QPRT: variants seen among roughly 807,000 people sequenced by gnomAD.
QPRT encodes quinolinate phosphoribosyltransferase, also known as nicotinate-nucleotide pyrophosphorylase [carboxylating].
QPRT carries 17 observed loss-of-function variants against 19.8 expected under a neutral mutation model. That is an observed-to-expected ratio of 0.86 (90% confidence interval 0.59 to 1.29). The LOEUF is 1.29. QPRT is among the 50% of genes most tolerant of loss of function. The pLI is 0.00. For missense variants in QPRT, 336 were observed against 405.1 expected, an observed-to-expected ratio of 0.83 and a Z score of 1.46; for synonymous variants, 178 against 191.0, an observed-to-expected ratio of 0.93 and a Z score of 0.56.
In QPRT at chr16:29,694,698, A is replaced by C; in HGVS notation, c.48A>C (p.Ala16=). Residue 16 remains alanine (A), a synonymous_variant, in exon 2 of 4, where the codon GCA becomes GCC. Transcript: ENST00000395384. The part of the protein sequence containing the change: ...LALLLPPVTL[A]ALVDSWLRED... ...TGCTGCTGCCGCCCGTCACCCTGGC[A>C]GCCCTGGTGGACAGCTGGCTCCGAG... 2.6e-6 allele frequency: 4 copies of C among 1,559,824 alleles called. No homozygotes were observed. The highest frequency in any genetic ancestry group is 3.5e-6 in the Non-Finnish European group (4 of 1,151,190).
chr16:29,684,669 C>T (rs1967110264), intron 1 of QPRT, among the ~76,000 whole-genome samples: 1 of 152,134 alleles, frequency 6.6e-6, no homozygotes, highest in South Asian at 2.1e-4. Flanking sequence ...CTTCTGAACT[C>T]CAGAGCCATT....
At chr16:29,692,536 G>A (rs529649879) in intron 1 of QPRT, among the ~76,000 whole-genome samples, 2 of 148,886 alleles carry the variant, frequency 1.3e-5, no homozygotes, top group African/African-American at 5.0e-5. Flanking sequence ...AGCCGAGATC[G>A]CGCCACTGCA....
At chr16:29,679,959 CTTTTT>C (rs1267778902) in intron 1 of QPRT, among the ~76,000 whole-genome samples, 1 of 134,472 alleles carries the variant, frequency 7.4e-6, no homozygotes. Flanking sequence ...CTAAGATAAT[CTTTTT>C]TTTTTTTTTT....
At chr16:29,684,454 C>T (rs1967103190) in intron 1 of QPRT, among the ~76,000 whole-genome samples, 1 of 152,074 alleles carries the variant, frequency 6.6e-6, no homozygotes, top group Admixed American at 6.6e-5. Context: ...CACCACCACG[C>T]CTGGCTAATT....
At chr16:29,683,858 C>T (rs1385523745) in intron 1 of QPRT, among the ~76,000 whole-genome samples, 1 of 152,184 alleles carries the variant, frequency 6.6e-6, no homozygotes, top group Non-Finnish European at 1.5e-5. Context: ...GTGTCCACTT[C>T]TCTTGAAAGG....
At chr16:29,684,556 C>T (rs1967106589) in intron 1 of QPRT, among the ~76,000 whole-genome samples, 1 of 152,026 alleles carries the variant, frequency 6.6e-6, no homozygotes, top group Admixed American at 6.6e-5. Context: ...ACCGTTTTCA[C>T]CAGGATGGTC....
chr16:29,681,738 T>C (rs1967013496), intron 1 of QPRT, among the ~76,000 whole-genome samples: 1 of 150,394 alleles, frequency 6.6e-6, no homozygotes, highest in Non-Finnish European at 1.5e-5. Flanking sequence ...TTTTTTTTTT[T>C]TTCGAGATGG....
At chr16:29,695,454 G>A (rs1368342860) in intron 2 of QPRT, among the ~76,000 whole-genome samples, 1 of 151,324 alleles carries the variant, frequency 6.6e-6, no homozygotes, top group Non-Finnish European at 1.5e-5. Flanking sequence ...TGGATATACA[G>A]GCATGCTCCA....
In QPRT at chr16:29,695,078, G is replaced by C; in HGVS notation, c.428G>C (p.Gly143Ala). 6.2e-7 allele frequency: 1 copy of C among 1,606,116 alleles called. No homozygotes were observed. Among genetic ancestry groups the C allele is most frequent in the South Asian group, 1.1e-5 (1 of 90,582 alleles). ...HVAGTRKTTPGFRLVEKYGLL... is the reference protein window; with the variant it reads ...HVAGTRKTTPAFRLVEKYGLL... The stretch of plus-strand genomic sequence containing the variant: ...GCAGGCACGAGGAAGACCACGCCAG[G>C]CTTCCGGCTGGTGGAGAAGTATGGG... The change falls in exon 2 of 4, where the codon GGC becomes GCC. Residue 143 changes from glycine (G) to alanine (A), a missense_variant. Physicochemically the swap from Gly to Ala is moderately conservative, Grantham distance 60. Coordinates refer to ENST00000395384, the MANE Select transcript of QPRT (RefSeq NM_014298.6).
At chr16:29,685,245 T>C (rs1967128092) in intron 1 of QPRT, among the ~76,000 whole-genome samples, 2 of 151,562 alleles carry the variant, frequency 1.3e-5, no homozygotes, top group African/African-American at 4.8e-5. Flanking sequence ...CCGAGGCAGG[T>C]GGATCACCTG....
At chr16:29,679,073 T>A (rs970093322), upstream of QPRT, 10 of 1,565,360 alleles carry the variant, frequency 6.4e-6, no homozygotes, top group African/African-American at 1.1e-4. Flanking sequence ...TTGGGGAGCC[T>A]GGGAAGGGCC....
At position 29,697,629 on chromosome 16, in the gene QPRT, A is replaced by T. The variant is rs1242305095; in HGVS notation, c.*218A>T. On this transcript the variant is annotated 3_prime_UTR_variant, in exon 4 of 4. Coordinates refer to ENST00000395384, the MANE Select transcript of QPRT (RefSeq NM_014298.6). This position sits in a 1 kb window ranked among gnomAD's most constrained non-coding sequence, Gnocchi z 4.4. ...ATCTGTAAAATGGGTCTAATAAAGG[A>T]TCAACCACATGGGGTTCTGCGGTGA... The T allele has an allele frequency of 1.4e-5, 8 of 579,840 alleles. No homozygotes were observed. The highest frequency in any genetic ancestry group is 2.4e-5 in the Non-Finnish European group (8 of 329,128). The allele number at this position is 579,840 out of a possible 1,614,324, so 35.9% of individuals were successfully genotyped here.
chr16:29,695,295 A>T (rs1967496549), intron 2 of QPRT, 96 bp downstream of exon 2: 1 of 1,359,844 alleles, frequency 7.4e-7, no homozygotes, highest in African/African-American at 1.5e-5. Flanking sequence ...CCGGGTGAAC[A>T]GCCATGGCCT....
At chr16:29,694,038 C>T (rs1262610327) in intron 1 of QPRT, among the ~76,000 whole-genome samples, 1 of 151,706 alleles carries the variant, frequency 6.6e-6, no homozygotes, top group African/African-American at 2.4e-5. Context: ...TGGCCTTGAA[C>T]CCCTGACCTC....
chr16:29,683,921 A>T (rs1967086435), intron 1 of QPRT, among the ~76,000 whole-genome samples: 2 of 152,152 alleles, frequency 1.3e-5, no homozygotes, highest in African/African-American at 2.4e-5. Flanking sequence ...CTCCTCGAGC[A>T]TGACAATGTG....
chr16:29,683,021 C>A (rs1967054492), intron 1 of QPRT, among the ~76,000 whole-genome samples: 1 of 150,542 alleles, frequency 6.6e-6, no homozygotes, highest in Non-Finnish European at 1.5e-5. Flanking sequence ...CCACACCTGA[C>A]TGATTCTTTT....
chr16:29,692,660 G>C (rs1027556108), intron 1 of QPRT, among the ~76,000 whole-genome samples: 3 of 152,214 alleles, frequency 2.0e-5, no homozygotes, highest in African/African-American at 7.2e-5. Context: ...CACATCATGG[G>C]CTAGATGCGG....
chr16:29,683,569 G>A (rs1294695781), intron 1 of QPRT, among the ~76,000 whole-genome samples: 1 of 152,036 alleles, frequency 6.6e-6, no homozygotes, highest in African/African-American at 2.4e-5. Flanking sequence ...ATGCTGCCCA[G>A]GCTGGTCTCA....
intron 1 of QPRT, 150 bp from the exon 2 acceptor site, chr16:29,694,514 C>T: frequency 6.6e-6 from 5 of 754,982 alleles, no homozygotes; most frequent in Non-Finnish European, 1.0e-5. Flanking sequence ...CCCACGCCCC[C>T]CTTCCTCACC....
Sources: gnomAD v4.1 joint callset for allele counts (sites outside exome capture counted in the v4.1 genomes callset) on GRCh38, gnomAD v4.1.1 for gene constraint, Gnocchi (gnomAD v3.1) non-coding constraint, MANE v1.5 for transcripts, NCBI Gene and HGNC (gene_info 2026-07-23, HGNC 2026-07-21) for gene names.